Variants in RASAL2 observed in about 807,000 individuals in gnomAD.
RASAL2 encodes ras GTPase-activating protein nGAP.
A neutral mutation model predicts 128.9 loss-of-function variants in RASAL2; 58 were observed. The ratio of observed to expected loss-of-function variants is 0.45; its 90% confidence interval spans 0.36 to 0.56. The LOEUF is 0.56. Among genes scored for constraint, RASAL2 ranks in the 20% least tolerant of loss-of-function variants. RASAL2 has a pLI of 0.00. For missense variants in RASAL2, 1,360 were observed against 1,601.6 expected (o/e 0.85, Z 2.57); for synonymous variants, 561 against 580.8 (o/e 0.97, Z 0.49).
chr1:178,133,680 A>G (rs1028167257), intron 1 of RASAL2, among the ~76,000 whole-genome samples: 10 of 152,184 alleles, frequency 6.6e-5, no homozygotes, highest in African/African-American at 7.2e-5. Context: ...CCTGCTCCCA[A>G]TGAAAGCCTT....
At position 178,260,364 on chromosome 1, in the gene RASAL2, ATATATATAT is replaced by A. The variant is rs1358790804; in HGVS notation, c.203-23199_203-23191del. On this transcript the variant is annotated intron_variant, in intron 1 of 17. Transcript: ENST00000367649. ...GAGACTCGTCTCAAAAAAAAAAAAA[ATATATATAT>A]ATATATATATATATATATATATATA... 2.8e-3 allele frequency among the ~76,000 whole-genome samples: 54 copies of A among 19,616 alleles called. 9 individuals are homozygous for A. The highest frequency in any genetic ancestry group is 4.6e-3 in the African/African-American group (27 of 5,826). 12.9% of individuals were successfully genotyped at this position (19,616 alleles called of 152,430 possible). A position where few individuals can be genotyped will look rare whatever the true frequency, so the allele number is the denominator to read the frequency against.
chr1:178,113,102 G>GA (rs1486891011), intron 1 of RASAL2, among the ~76,000 whole-genome samples: 2 of 152,018 alleles, frequency 1.3e-5, no homozygotes, highest in African/African-American at 4.8e-5. Context: ...ACCATTTGTT[G>GA]AAAAAACTAT....
At chr1:178,190,095 C>T (rs558282929) in intron 1 of RASAL2, among the ~76,000 whole-genome samples, 88 of 142,448 alleles carry the variant, frequency 6.2e-4, no homozygotes, top group Admixed American at 3.4e-4. Flanking sequence ...GCCCCCTACC[C>T]CACCTTCCGC....
intron 6 of RASAL2, 101 bp downstream of exon 6, chr1:178,439,676 T>TCA: frequency 5.7e-6 from 6 of 1,051,254 alleles, no homozygotes; most frequent in Non-Finnish European, 7.8e-6. Context: ...GATGATTTAA[T>TCA]TAACTGGTTT....
intron 1 of RASAL2, among the ~76,000 whole-genome samples, chr1:178,136,814 A>T (rs1660344257): frequency 6.6e-6 from 1 of 151,414 alleles, no homozygotes; most frequent in East Asian, 1.9e-4. Context: ...ACCAGAAAAG[A>T]AAAGGTGTCC....
chr1:178,278,694 C>T (rs1666640171), intron 1 of RASAL2, among the ~76,000 whole-genome samples: 2 of 152,202 alleles, frequency 1.3e-5, no homozygotes, highest in Admixed American at 6.5e-5. Flanking sequence ...TCCCTTATCC[C>T]TATTTCTGCT....
At chr1:178,454,196 TA>T (rs56786408) in intron 11 of RASAL2, among the ~76,000 whole-genome samples, 14,136 of 80,168 alleles carry the variant, frequency 0.18, 2,291 homozygotes, top group African/African-American at 0.44. Flanking sequence ...ATCCCAGAAC[TA>T]AAAAAAAAAA....
At chr1:178,164,423 A>C (rs566489268) in intron 1 of RASAL2, among the ~76,000 whole-genome samples, 1 of 152,000 alleles carries the variant, frequency 6.6e-6, no homozygotes. Context: ...CAAAATCTTC[A>C]GGGGAAATGT....
At chr1:178,395,771 G>GTATATATATATATATATATATATATATA (rs57664965) in intron 4 of RASAL2, among the ~76,000 whole-genome samples, 2 of 133,010 alleles carry the variant, frequency 1.5e-5, no homozygotes, top group African/African-American at 6.9e-5. Context: ...TTAATGAACA[G>GTATATATATATATATATATATATATATA]TATATATATA....
intron 1 of RASAL2, among the ~76,000 whole-genome samples, chr1:178,144,136 A>G (rs964383996): frequency 1.2e-4 from 18 of 152,168 alleles, no homozygotes; most frequent in Non-Finnish European, 5.9e-5. Context: ...AGAAGTCACC[A>G]TGAACTCCAT....
At chr1:178,127,715 A>G (rs1485296411) in intron 1 of RASAL2, among the ~76,000 whole-genome samples, 2 of 152,068 alleles carry the variant, frequency 1.3e-5, no homozygotes, top group Non-Finnish European at 2.9e-5. Context: ...AATATCTAGT[A>G]TCTCCATACT....
At chr1:178,341,682 C>T (rs1669890835) in intron 3 of RASAL2, 5 of 1,597,514 alleles carry the variant, frequency 3.1e-6, no homozygotes, top group Non-Finnish European at 4.3e-6. Context: ...TTAAAAATTA[C>T]ACAAATGCAG....
At chr1:178,405,034 G>A (rs534884798) in intron 4 of RASAL2, among the ~76,000 whole-genome samples, 1 of 152,120 alleles carries the variant, frequency 6.6e-6, no homozygotes, top group African/African-American at 2.4e-5. Context: ...CTTTCAGTCT[G>A]ACAGACTATA....
intron 1 of RASAL2, among the ~76,000 whole-genome samples, chr1:178,176,398 G>A (rs1345356275): frequency 7.2e-6 from 1 of 138,318 alleles, no homozygotes; most frequent in Non-Finnish European, 1.6e-5. Context: ...CCCACTTTTT[G>A]ATGGGATTTT....
At chr1:178,291,317 C>T (rs1016886307) in intron 2 of RASAL2, among the ~76,000 whole-genome samples, 2 of 152,052 alleles carry the variant, frequency 1.3e-5, no homozygotes, top group African/African-American at 2.4e-5. Flanking sequence ...GATTTTATTC[C>T]GGAAATGATC....
intron 5 of RASAL2, among the ~76,000 whole-genome samples, chr1:178,433,858 A>G (rs1216070275): frequency 6.6e-6 from 1 of 151,372 alleles, no homozygotes; most frequent in Non-Finnish European, 1.5e-5. Context: ...CGGAAGTTTC[A>G]GTGAGCTGAG....
chr1:178,296,083 A>ATG (rs763351307), intron 2 of RASAL2, among the ~76,000 whole-genome samples: 2 of 151,458 alleles, frequency 1.3e-5, no homozygotes, highest in East Asian at 3.9e-4. Context: ...ATGTGTATAT[A>ATG]TGTGTGTGTA....
At position 178,268,337 on chromosome 1, in the gene RASAL2, G is replaced by A. The variant is rs1666082224; in HGVS notation, c.203-15227G>A. Among the ~76,000 whole-genome samples, 3 of 152,112 alleles carry A rather than the reference G, an allele frequency of 2.0e-5. No individual in the cohort carries two copies. In the East Asian group the frequency reaches 5.8e-4, roughly 29 times the overall value. ...ACAAAAATTAGTTGGGCATGGTGGTGAGCACCTGTAGTCCCAGCTACTTGG... is the reference window on the plus strand; with the variant it reads ...ACAAAAATTAGTTGGGCATGGTGGTAAGCACCTGTAGTCCCAGCTACTTGG... On this transcript the variant is annotated intron_variant, in intron 1 of 17. Transcript: ENST00000367649.
chr1:178,124,051 C>T (rs889212755), intron 1 of RASAL2, among the ~76,000 whole-genome samples: 2 of 152,228 alleles, frequency 1.3e-5, no homozygotes, highest in East Asian at 3.9e-4. Context: ...TATCCAGAAC[C>T]CCAGAAAATG....
Sources: gnomAD v4.1 joint callset for allele counts (sites outside exome capture counted in the v4.1 genomes callset) on GRCh38, gnomAD v4.1.1 for gene constraint, MANE v1.5 for transcripts, NCBI Gene and HGNC (gene_info 2026-07-23, HGNC 2026-07-21) for gene names.